CCSER1: variants seen among roughly 807,000 people sequenced by gnomAD.
The protein encoded by CCSER1 is serine-rich coiled-coil domain-containing protein 1.
CCSER1 carries 41 observed loss-of-function variants against 82.0 expected under a neutral mutation model. The observed-to-expected ratio is 0.50, with a 90% CI of 0.39 to 0.65. The LOEUF is 0.65. Ranked by LOEUF, CCSER1 falls within the 30% of genes least tolerant of loss-of-function variation. The pLI is 0.00. For synonymous variants in CCSER1, 414 were observed against 383.9 expected, an observed-to-expected ratio of 1.08 and a Z score of -0.92; for missense variants, 1,119 against 1,064.2, an observed-to-expected ratio of 1.05 and a Z score of -0.72.
intron 10 of CCSER1, among the ~76,000 whole-genome samples, chr4:91,220,418 T>A (rs920429767): frequency 2.0e-5 from 3 of 152,222 alleles, no homozygotes; most frequent in African/African-American, 7.2e-5. Flanking sequence ...AAAAATTGAC[T>A]TTTTATGATT....
intron 3 of CCSER1, among the ~76,000 whole-genome samples, chr4:90,345,439 A>T (rs977243079): frequency 6.6e-6 from 1 of 152,086 alleles, no homozygotes; most frequent in Non-Finnish European, 1.5e-5. Flanking sequence ...ACTGCTGCTA[A>T]TTCTTCCCAG....
chr4:90,817,279 CAG>C, intron 8 of CCSER1, among the ~76,000 whole-genome samples: 1 of 151,992 alleles, frequency 6.6e-6, no homozygotes, highest in African/African-American at 2.4e-5. Context: ...ATTACTTTGT[CAG>C]AGAGTGCTTA....
rs1476465309 is a variant in CCSER1 at position 90,768,915 on chromosome 4, A to C, written c.2010+44924A>C. ...GCCAGTACTTGTGATGGCTTTGAAA[A>C]TTCTCAGCCTCTCTAGAAATCAAAT... On this transcript the variant is annotated intron_variant, in intron 7 of 10. Transcript: ENST00000509176. Among the ~76,000 whole-genome samples the C allele has an allele frequency of 3.9e-5, 6 of 152,174 alleles. No homozygotes were observed. In the East Asian group the frequency reaches 1.2e-3, roughly 29 times the overall value.
intron 5 of CCSER1, among the ~76,000 whole-genome samples, chr4:90,471,255 T>C (rs1764353662): frequency 6.6e-6 from 1 of 152,040 alleles, no homozygotes; most frequent in African/African-American, 2.4e-5. Context: ...TTGGGCAGAT[T>C]CTTTCCCCCC....
chr4:90,662,214 G>T (rs1294297246), intron 6 of CCSER1, among the ~76,000 whole-genome samples: 2 of 151,866 alleles, frequency 1.3e-5, no homozygotes, highest in South Asian at 2.1e-4. Flanking sequence ...AGCCAGGGTG[G>T]TCTCCATCTC....
intron 1 of CCSER1, among the ~76,000 whole-genome samples, chr4:90,233,454 C>T (rs1225076093): frequency 6.6e-6 from 1 of 151,874 alleles, no homozygotes; most frequent in Admixed American, 6.6e-5. Context: ...AGGGGAACAT[C>T]ACACTCTGGG....
chr4:91,162,938 C>A (rs902491902), intron 10 of CCSER1, among the ~76,000 whole-genome samples: 1 of 152,024 alleles, frequency 6.6e-6, no homozygotes, highest in African/African-American at 2.4e-5. Context: ...TCCTTCAGTT[C>A]TGCTCTGATC....
chr4:91,416,596 A>C, intron 10 of CCSER1, among the ~76,000 whole-genome samples: 1 of 152,162 alleles, frequency 6.6e-6, no homozygotes, highest in East Asian at 1.9e-4. Context: ...AAAAACAAGC[A>C]ATGGGGAAAG....
intron 8 of CCSER1, among the ~76,000 whole-genome samples, chr4:90,882,847 A>G (rs988601684): frequency 1.3e-5 from 2 of 152,092 alleles, no homozygotes; most frequent in Non-Finnish European, 2.9e-5. Context: ...TTTGTAAATT[A>G]AATCTAGTGA....
intron 8 of CCSER1, among the ~76,000 whole-genome samples, chr4:90,863,471 A>G (rs1003661741): frequency 6.6e-6 from 1 of 151,784 alleles, no homozygotes; most frequent in African/African-American, 2.4e-5. Context: ...CTAACTCCTA[A>G]ATAAGTGTGA....
chr4:91,141,891 ATGTT>A (rs1229265457), intron 10 of CCSER1, among the ~76,000 whole-genome samples: 1 of 151,878 alleles, frequency 6.6e-6, no homozygotes, highest in Non-Finnish European at 1.5e-5. Flanking sequence ...ATTTTTTCCT[ATGTT>A]TGTTAGCTGC....
At chr4:90,872,036 A>G (rs141479882) in intron 8 of CCSER1, among the ~76,000 whole-genome samples, 7 of 149,344 alleles carry the variant, frequency 4.7e-5, no homozygotes, top group Admixed American at 2.7e-4. Flanking sequence ...TCATCTCTTT[A>G]TTTTCAGTGT....
At chr4:90,392,872 A>G (rs1270222225) in intron 3 of CCSER1, among the ~76,000 whole-genome samples, 5 of 152,194 alleles carry the variant, frequency 3.3e-5, no homozygotes, top group Admixed American at 6.5e-5. Flanking sequence ...TCTTAACGCA[A>G]TCCAGAAATC....
chr4:91,111,844 A>C (rs1379557895), intron 10 of CCSER1, among the ~76,000 whole-genome samples: 17 of 150,214 alleles, frequency 1.1e-4, no homozygotes, highest in Non-Finnish European at 5.9e-5. Context: ...AGAAGACAAT[A>C]AAACAGAAAA....
At chr4:90,797,062 A>T (rs961398958) in intron 7 of CCSER1, among the ~76,000 whole-genome samples, 4 of 151,914 alleles carry the variant, frequency 2.6e-5, no homozygotes, top group African/African-American at 9.7e-5. Context: ...TGTCTTGGTG[A>T]TCTAATATTG....
At chr4:90,536,814 T>A (rs1027058008) in intron 5 of CCSER1, among the ~76,000 whole-genome samples, 5 of 152,242 alleles carry the variant, frequency 3.3e-5, no homozygotes, top group Non-Finnish European at 7.3e-5. Context: ...TACATGGTTA[T>A]TGTTATTAAA....
chr4:90,332,122 A>G (rs1194833782), intron 3 of CCSER1, among the ~76,000 whole-genome samples: 2 of 152,166 alleles, frequency 1.3e-5, no homozygotes, highest in Non-Finnish European at 2.9e-5. Flanking sequence ...CTGTTCCCGC[A>G]TGTGAATCTT....
At chr4:90,229,500 C>G (rs1256073236) in intron 1 of CCSER1, among the ~76,000 whole-genome samples, 3 of 151,994 alleles carry the variant, frequency 2.0e-5, no homozygotes, top group Non-Finnish European at 2.9e-5. Flanking sequence ...CAACTGATAC[C>G]AGCCGCTGCA....
intron 6 of CCSER1, among the ~76,000 whole-genome samples, chr4:90,704,831 A>G (rs1738979258): frequency 6.6e-6 from 1 of 152,170 alleles, no homozygotes; most frequent in African/African-American, 2.4e-5. Flanking sequence ...CCATCAGGTC[A>G]TATAAGGACT....
Sources: gnomAD v4.1 joint callset for allele counts (sites outside exome capture counted in the v4.1 genomes callset) on GRCh38, gnomAD v4.1.1 for gene constraint, MANE v1.5 for transcripts, NCBI Gene and HGNC (gene_info 2026-07-23, HGNC 2026-07-21) for gene names.